Variants in DPYD observed in about 807,000 individuals in gnomAD.
DPYD encodes the protein dihydropyrimidine dehydrogenase [NADP(+)].
Under a neutral mutation model 116.2 loss-of-function variants are expected in DPYD, and 109 were observed. That is an observed-to-expected ratio of 0.94 (90% CI 0.80 to 1.10). DPYD has a LOEUF of 1.10. Among genes scored for constraint, DPYD ranks in the 50% least tolerant of loss-of-function variants. The pLI is 0.00. For missense variants in DPYD, 1,302 were observed against 1,254.5 expected (o/e 1.04, Z -0.57); for synonymous variants, 440 against 432.0 (o/e 1.02, Z -0.23).
At chr1:97,830,664 C>T (rs1002165622) in intron 2 of DPYD, among the ~76,000 whole-genome samples, 1 of 150,546 alleles carries the variant, frequency 6.6e-6, no homozygotes. Flanking sequence ...GAGCTGAGTT[C>T]GCGCCACGGC....
At chr1:97,808,544 A>G (rs1363308778) in intron 3 of DPYD, among the ~76,000 whole-genome samples, 1 of 152,106 alleles carries the variant, frequency 6.6e-6, no homozygotes, top group Non-Finnish European at 1.5e-5. Context: ...AGGATTTCCT[A>G]CATGGACAAT....
intron 19 of DPYD, among the ~76,000 whole-genome samples, chr1:97,218,803 T>G (rs1660591563): frequency 6.6e-6 from 1 of 152,168 alleles, no homozygotes; most frequent in South Asian, 2.1e-4. Context: ...GGGTCTAGTT[T>G]GTTGTGAACA....
intron 19 of DPYD, 40 bp from the exon 20 acceptor site, chr1:97,193,288 A>G: frequency 6.3e-7 from 1 of 1,589,098 alleles, no homozygotes; most frequent in South Asian, 1.1e-5. Flanking sequence ...TCAAACCAAG[A>G]GATAATTCTC....
chr1:97,659,055 C>A lies in DPYD; in HGVS notation c.850+20040G>T, dbSNP rs564049610. On this transcript the variant is annotated intron_variant, in intron 8 of 22. Transcript: ENST00000370192. ...CTATGGCTCCCTCCCTGACCCAATA[C>A]ACATCCTCACACTTAAAAGTCATCC... Among the ~76,000 whole-genome samples, 5 of 152,238 alleles carry A rather than the reference C, an allele frequency of 3.3e-5. No individual in the cohort carries two copies. The South Asian group carries it at 8.3e-4, about 25-fold the overall frequency.
At chr1:97,235,968 T>C (rs1399760726) in intron 18 of DPYD, among the ~76,000 whole-genome samples, 1 of 152,208 alleles carries the variant, frequency 6.6e-6, no homozygotes, top group Non-Finnish European at 1.5e-5. Flanking sequence ...ATTACCAGTA[T>C]ATTATTCCCT....
At chr1:97,889,432 T>G (rs997014211) in intron 1 of DPYD, among the ~76,000 whole-genome samples, 1 of 151,924 alleles carries the variant, frequency 6.6e-6, no homozygotes, top group African/African-American at 2.4e-5. Flanking sequence ...AAATGACATA[T>G]CATGCAAATA....
chr1:97,664,215 A>G (rs993424991), intron 8 of DPYD, among the ~76,000 whole-genome samples: 3 of 152,100 alleles, frequency 2.0e-5, no homozygotes, highest in Admixed American at 6.6e-5. Flanking sequence ...GACTGTTGAT[A>G]TTTTATCAAT....
At chr1:97,901,883 A>T (rs1476891389) in intron 1 of DPYD, among the ~76,000 whole-genome samples, 1 of 151,888 alleles carries the variant, frequency 6.6e-6, no homozygotes, top group Non-Finnish European at 1.5e-5. Flanking sequence ...TACCATTCAG[A>T]AATGTCAGGT....
intron 19 of DPYD, among the ~76,000 whole-genome samples, chr1:97,199,506 C>T (rs1406650341): frequency 2.0e-5 from 3 of 151,972 alleles, no homozygotes; most frequent in Non-Finnish European, 1.5e-5. Flanking sequence ...AATTAAATTT[C>T]ATACTATGAA....
intron 14 of DPYD, among the ~76,000 whole-genome samples, chr1:97,414,198 C>T (rs1054406289): frequency 6.6e-6 from 1 of 152,146 alleles, no homozygotes; most frequent in African/African-American, 2.4e-5. Context: ...CCAATATACA[C>T]ATTTGATGGC....
chr1:97,515,980 C>A (rs1342363762), intron 12 of DPYD, 39 bp from the exon 13 acceptor site: 1 of 1,559,222 alleles, frequency 6.4e-7, no homozygotes, highest in Admixed American at 1.7e-5. Context: ...CATATTACAT[C>A]TAAATTGTCC....
chr1:97,710,346 C>G (rs1404438182), intron 5 of DPYD, among the ~76,000 whole-genome samples: 1 of 151,704 alleles, frequency 6.6e-6, no homozygotes, highest in East Asian at 1.9e-4. Flanking sequence ...TAAGACAAGT[C>G]AAAGGAAATA....
rs561733777 is a variant in DPYD, at chr1:97,487,244, G to C, written c.1740+28482C>G. 2.0e-5 allele frequency among the ~76,000 whole-genome samples: 3 copies of C among 152,124 alleles called. No homozygotes were observed. In the East Asian group the frequency reaches 5.8e-4, roughly 29 times the overall value. ...AGAAATATCTTTATATTCTATTAATGAGTGACCTCCAGGATATTTATTTAA... is the reference window on the plus strand; with the variant it reads ...AGAAATATCTTTATATTCTATTAATCAGTGACCTCCAGGATATTTATTTAA... On this transcript the variant is annotated intron_variant, in intron 13 of 22. Transcript: ENST00000370192.
At chr1:97,588,273 T>G (rs771023943) in intron 10 of DPYD, among the ~76,000 whole-genome samples, 32 of 152,104 alleles carry the variant, frequency 2.1e-4, no homozygotes, top group Admixed American at 4.6e-4. Flanking sequence ...CCCATAAAAA[T>G]GCAGCAGAAT....
At chr1:97,660,768 T>A (rs937137157) in intron 8 of DPYD, among the ~76,000 whole-genome samples, 2 of 152,212 alleles carry the variant, frequency 1.3e-5, no homozygotes, top group Middle Eastern at 3.2e-3. Flanking sequence ...GAACTTTTTC[T>A]GTCTTCACTA....
At chr1:97,834,378 GAAA>G (rs1346623404) in intron 2 of DPYD, among the ~76,000 whole-genome samples, 1 of 140,770 alleles carries the variant, frequency 7.1e-6, no homozygotes, top group Non-Finnish European at 1.6e-5. Flanking sequence ...TCCTTATTTT[GAAA>G]AAAAAAAGCC....
intron 21 of DPYD, among the ~76,000 whole-genome samples, chr1:97,097,269 C>A (rs906424389): frequency 2.0e-5 from 3 of 152,118 alleles, no homozygotes; most frequent in Non-Finnish European, 4.4e-5. Flanking sequence ...CTCTGTATTG[C>A]TGAAATTTTG....
chr1:97,777,672 C>T (rs1272941521), intron 3 of DPYD, among the ~76,000 whole-genome samples: 1 of 152,114 alleles, frequency 6.6e-6, no homozygotes, highest in East Asian at 1.9e-4. Flanking sequence ...TAGTAACCTC[C>T]TCCATGCACA....
intron 21 of DPYD, among the ~76,000 whole-genome samples, chr1:97,094,423 G>C (rs555069423): frequency 2.6e-5 from 4 of 152,238 alleles, no homozygotes; most frequent in African/African-American, 9.6e-5. Context: ...ACACACTGAG[G>C]CCTCAGCATT....
Sources: allele counts gnomAD v4.1 joint callset (sites outside exome capture counted in the v4.1 genomes callset), GRCh38; gene constraint gnomAD v4.1.1; transcripts MANE v1.5; gene names NCBI Gene and HGNC (gene_info 2026-07-23, HGNC 2026-07-21).